Variants in CTTN observed in about 807,000 individuals in gnomAD.
CTTN encodes the protein cortactin, also known as src substrate cortactin.
CTTN carries 28 observed loss-of-function variants against 84.0 expected under a neutral mutation model. The ratio of observed to expected loss-of-function variants is 0.33; its 90% CI spans 0.25 to 0.46. The LOEUF (loss-of-function observed/expected upper bound fraction) is 0.46. CTTN is among the 20% of genes least tolerant of loss of function. The pLI is 1.00. For synonymous variants in CTTN, 301 were observed against 288.8 expected, an observed-to-expected ratio of 1.04 and a Z score of -0.43; for missense variants, 641 against 723.8, an observed-to-expected ratio of 0.89 and a Z score of 1.31.
At chr11:70,410,292 G>T (rs1295435537) in intron 5 of CTTN, 2 of 240,978 alleles carry the variant, frequency 8.3e-6, no homozygotes, top group East Asian at 8.2e-5. Context: ...CAATGCCTGT[G>T]GTTCCAGTCT....
Position 70,416,077 on chromosome 11 carries a change from T to C in CTTN, c.457+360T>C, listed in dbSNP as rs147732188. 181 of 252,030 alleles carry C rather than the reference T, an allele frequency of 7.2e-4. 1 individual carries two copies. The highest frequency in any genetic ancestry group is 3.5e-3 in the African/African-American group (159 of 45,248). The allele number at this position is 252,030 out of a possible 1,614,324, so 15.6% of individuals were successfully genotyped here. A position where few individuals can be genotyped will look rare whatever the true frequency, so the allele number is the denominator to read the frequency against. The stretch of plus-strand genomic sequence containing the variant: ...ACAGATTGATCGGCAGAAAGCTAAC[T>C]TCCCCCCAAGGCTAGAAACCAGAGT... On this transcript the variant is annotated intron_variant, in intron 7 of 17. Coordinates refer to ENST00000301843, the MANE Select transcript of CTTN (RefSeq NM_005231.4).
At chr11:70,420,870 G>A (rs2058228325) in intron 10 of CTTN, among the ~76,000 whole-genome samples, 1 of 151,950 alleles carries the variant, frequency 6.6e-6, no homozygotes, top group Non-Finnish European at 1.5e-5. Context: ...GCAGCGGGGG[G>A]CTGGGTTTAC....
rs2058412206 is a variant in CTTN, at chr11:70,435,824, AG to A, written c.*664del. On this transcript the variant is annotated 3_prime_UTR_variant, in exon 18 of 18. Transcript: ENST00000301843. Reference sequence around the variant, plus strand: ...CATCTCTACCCATCCCCTGATGCCCAGGTCACCGGGAGGGCTGCTGGGAGCC... The same window carrying A: ...CATCTCTACCCATCCCCTGATGCCCAGTCACCGGGAGGGCTGCTGGGAGCC... 6.5e-7 allele frequency: 1 copy of A among 1,546,268 alleles called. No individual in the cohort carries two copies. The highest frequency in any genetic ancestry group is 8.7e-7 in the Non-Finnish European group (1 of 1,153,914).
chr11:70,408,785 G>C (rs1010333156), intron 4 of CTTN, among the ~76,000 whole-genome samples: 1 of 152,178 alleles, frequency 6.6e-6, no homozygotes, highest in Non-Finnish European at 1.5e-5. Flanking sequence ...CGGAACTCCG[G>C]TGGCCGTGCG....
In CTTN at chr11:70,426,868, G is replaced by A. The variant is rs375174476; in HGVS notation, c.1027+1467G>A. Among the ~76,000 whole-genome samples, 67 of 151,798 alleles carry A rather than the reference G, an allele frequency of 4.4e-4. 1 individual carries two copies. The highest frequency in any genetic ancestry group is 1.5e-3 in the African/African-American group (62 of 41,452). ...GCCCGCCTCGGCCTCCCAAAGTGCTGGGATTACAGGCATGAGCCACTGTGC... is the reference window on the plus strand; with the variant it reads ...GCCCGCCTCGGCCTCCCAAAGTGCTAGGATTACAGGCATGAGCCACTGTGC... On this transcript the variant is annotated intron_variant, in intron 13 of 17. Coordinates refer to ENST00000301843, the MANE Select transcript of CTTN (RefSeq NM_005231.4).
intron 13 of CTTN, among the ~76,000 whole-genome samples, chr11:70,426,257 C>A (rs2058299299): frequency 1.3e-5 from 2 of 151,854 alleles, no homozygotes; most frequent in Non-Finnish European, 2.9e-5. Context: ...AATACAAAAA[C>A]AAAATTAGCC....
At chr11:70,414,476 C>G in intron 5 of CTTN, 66 bp from the exon 6 acceptor site, 2 of 1,199,018 alleles carry the variant, frequency 1.7e-6, no homozygotes, top group South Asian at 1.3e-5. Context: ...CAGCCCTGCT[C>G]TGGGAGGAAG....
chr11:70,413,505 C>G (rs2058119016), intron 5 of CTTN, among the ~76,000 whole-genome samples: 1 of 152,228 alleles, frequency 6.6e-6, no homozygotes. Context: ...CTGAATCACA[C>G]AAGCAGCTGT....
intron 12 of CTTN, 116 bp downstream of exon 12, chr11:70,423,111 C>A: frequency 3.2e-6 from 4 of 1,260,864 alleles, no homozygotes; most frequent in South Asian, 1.3e-5. Flanking sequence ...TGATTTCCGT[C>A]GTGGTGGTGG....
At chr11:70,406,521 G>GAAA (rs200374908) in intron 2 of CTTN, among the ~76,000 whole-genome samples, 11 of 122,628 alleles carry the variant, frequency 9.0e-5, no homozygotes, top group South Asian at 2.7e-4. Flanking sequence ...TACATAGTTT[G>GAAA]AAAAAAAAAA....
At chr11:70,419,965 G>A (rs911678318) in intron 9 of CTTN, 109 bp downstream of exon 9, 3 of 795,016 alleles carry the variant, frequency 3.8e-6, no homozygotes, top group Admixed American at 6.1e-5. Context: ...TAACGTAGAT[G>A]TCTCTTTTTC....
At chr11:70,423,112 G>A (rs1195950897) in intron 12 of CTTN, 117 bp downstream of exon 12, 6 of 1,009,758 alleles carry the variant, frequency 5.9e-6, no homozygotes, top group South Asian at 3.1e-5. Context: ...GATTTCCGTC[G>A]TGGTGGTGGT....
At chr11:70,417,301 T>C (rs968498625) in intron 8 of CTTN, among the ~76,000 whole-genome samples, 178 bp downstream of exon 8, 1 of 152,226 alleles carries the variant, frequency 6.6e-6, no homozygotes. Context: ...CCCCATCGTA[T>C]GAGGATTCCA....
At chr11:70,414,439 C>T in intron 5 of CTTN, 103 bp from the exon 6 acceptor site, 2 of 823,364 alleles carry the variant, frequency 2.4e-6, no homozygotes, top group South Asian at 1.6e-5. Context: ...TAAGGTTTCC[C>T]TGCACTGACC....
intron 5 of CTTN, among the ~76,000 whole-genome samples, chr11:70,412,980 C>T (rs1485240340): frequency 1.3e-5 from 2 of 152,228 alleles, no homozygotes; most frequent in African/African-American, 2.4e-5. Flanking sequence ...GCCTCTGCCA[C>T]TCCTTCATCT....
rs889788502 is a variant in CTTN at position 70,426,410 on chromosome 11, C to CAA, written c.1027+1024_1027+1025dup. Among the ~76,000 whole-genome samples, 695 of 72,642 alleles carry CAA rather than the reference C, an allele frequency of 9.6e-3. 12 individuals carry two copies. The highest frequency in any genetic ancestry group is 0.032 in the African/African-American group (662 of 20,874). The allele number at this position is 72,642 out of a possible 152,430, so 47.7% of individuals were successfully genotyped here. A position where few individuals can be genotyped will look rare whatever the true frequency, so the allele number is the denominator to read the frequency against. On this transcript the variant is annotated intron_variant, in intron 13 of 17. Transcript: ENST00000301843. ...TGGATGACAGAGCGAGACTCCGTCT[C>CAA]AAAAAAAAAAAAAAAAGAGAGAGAG...
intron 13 of CTTN, among the ~76,000 whole-genome samples, chr11:70,427,115 C>T (rs542791384): frequency 2.6e-5 from 4 of 151,182 alleles, no homozygotes; most frequent in South Asian, 4.3e-4. Flanking sequence ...TCTGGGAGGC[C>T]GAGGTGGGTG....
intron 7 of CTTN, among the ~76,000 whole-genome samples, chr11:70,416,472 C>T (rs1046544117): frequency 1.3e-5 from 2 of 152,150 alleles, no homozygotes; most frequent in African/African-American, 4.8e-5. Flanking sequence ...CGCTCTGTTG[C>T]CCAGGCTGGA....
At chr11:70,405,962 C>T (rs1012615788) in intron 2 of CTTN, among the ~76,000 whole-genome samples, 3 of 152,220 alleles carry the variant, frequency 2.0e-5, no homozygotes, top group African/African-American at 7.2e-5. Context: ...GACCAAGCAT[C>T]CCGTTTCTCT....
Sources: allele counts gnomAD v4.1 joint callset (sites outside exome capture counted in the v4.1 genomes callset), GRCh38; gene constraint gnomAD v4.1.1; transcripts MANE v1.5; gene names NCBI Gene and HGNC (gene_info 2026-07-23, HGNC 2026-07-21).